Variants in TAFA2 observed in about 807,000 individuals in gnomAD.
TAFA2 encodes the protein TAFA chemokine like family member 2, also known as chemokine-like protein TAFA-2.
A neutral mutation model predicts 18.8 loss-of-function variants in TAFA2; 7 were observed. That is an observed-to-expected ratio of 0.37 (90% CI 0.21 to 0.70). TAFA2 has a LOEUF of 0.70. Ranked by LOEUF, TAFA2 falls within the 30% of genes least tolerant of loss-of-function variation. TAFA2 has a pLI of 0.53. For synonymous variants in TAFA2, 60 were observed against 54.2 expected (o/e 1.11, Z -0.47); for missense variants, 122 against 158.1 (o/e 0.77, Z 1.23).
intron 1 of TAFA2, among the ~76,000 whole-genome samples, chr12:62,225,375 A>C (rs1308995124): frequency 6.6e-6 from 1 of 152,254 alleles, no homozygotes; most frequent in African/African-American, 2.4e-5. Flanking sequence ...CAGACTGATC[A>C]GACTCAAATG....
intron 1 of TAFA2, among the ~76,000 whole-genome samples, chr12:62,100,456 C>G (rs1453676777): frequency 6.6e-6 from 1 of 152,146 alleles, no homozygotes; most frequent in Non-Finnish European, 1.5e-5. Flanking sequence ...TACCCCTGTA[C>G]AGTTTGGTCT....
At chr12:61,960,775 C>CAA (rs34080993) in intron 1 of TAFA2, among the ~76,000 whole-genome samples, 2,561 of 145,618 alleles carry the variant, frequency 0.018, 19 homozygotes, top group African/African-American at 0.028. Flanking sequence ...CCTATTTCAC[C>CAA]AAAAAAAAAA....
intron 4 of TAFA2, among the ~76,000 whole-genome samples, chr12:61,715,053 A>G (rs985118744): frequency 6.6e-6 from 1 of 152,208 alleles, no homozygotes; most frequent in South Asian, 2.1e-4. Flanking sequence ...TAATCCAGAC[A>G]AAGTGCTTGT....
chr12:62,157,410 G>A (rs1280657657), intron 1 of TAFA2, among the ~76,000 whole-genome samples: 5 of 152,158 alleles, frequency 3.3e-5, no homozygotes, highest in African/African-American at 1.2e-4. Context: ...AAGCACACAT[G>A]AACATTAAAA....
intron 1 of TAFA2, among the ~76,000 whole-genome samples, chr12:62,021,371 G>C (rs1881130032): frequency 6.6e-6 from 1 of 151,786 alleles, no homozygotes; most frequent in African/African-American, 2.4e-5. Context: ...AGATTTTGGT[G>C]TACCCATCAC....
intron 1 of TAFA2, among the ~76,000 whole-genome samples, chr12:62,218,960 A>G (rs2062748886): frequency 6.6e-6 from 1 of 152,188 alleles, no homozygotes; most frequent in African/African-American, 2.4e-5. Flanking sequence ...TTGAGATGAT[A>G]GAATTAAAAT....
intron 1 of TAFA2, chr12:62,104,853 C>T (rs559682679): frequency 3.3e-5 from 11 of 328,586 alleles, no homozygotes; most frequent in African/African-American, 1.6e-4. Flanking sequence ...TTGGCTCCTA[C>T]GTCTCACAGA....
intron 1 of TAFA2, among the ~76,000 whole-genome samples, chr12:62,247,950 T>C (rs1260705839): frequency 1.3e-5 from 2 of 152,252 alleles, no homozygotes; most frequent in Non-Finnish European, 2.9e-5. Flanking sequence ...TTGTTTCTTT[T>C]TCTTTTCTTG....
intron 1 of TAFA2, among the ~76,000 whole-genome samples, chr12:62,039,791 G>A (rs1881709964): frequency 1.3e-5 from 2 of 152,286 alleles, no homozygotes; most frequent in East Asian, 1.9e-4. Context: ...ATCAAATTCA[G>A]TACTTCTCAA....
intron 1 of TAFA2, among the ~76,000 whole-genome samples, chr12:62,096,579 T>C (rs1868960970): frequency 6.6e-6 from 1 of 152,158 alleles, no homozygotes; most frequent in African/African-American, 2.4e-5. Context: ...GAGTCTCCCC[T>C]TTTCTAAGTA....
chr12:61,741,095 A>G (rs1450037333), intron 4 of TAFA2, among the ~76,000 whole-genome samples: 2 of 152,112 alleles, frequency 1.3e-5, no homozygotes, highest in African/African-American at 4.8e-5. Flanking sequence ...CAAAATTTTT[A>G]AAGTGTTTTA....
intron 1 of TAFA2, among the ~76,000 whole-genome samples, chr12:61,956,953 T>C (rs1291129403): frequency 6.6e-6 from 1 of 152,162 alleles, no homozygotes; most frequent in African/African-American, 2.4e-5. Context: ...ACTATCTGCT[T>C]GCAGTGACTA....
At chr12:62,246,056 A>G (rs1299684897) in intron 1 of TAFA2, among the ~76,000 whole-genome samples, 2 of 149,030 alleles carry the variant, frequency 1.3e-5, no homozygotes, top group Non-Finnish European at 3.0e-5. Context: ...GCGCAATCTC[A>G]GCTCACTGCA....
intron 1 of TAFA2, among the ~76,000 whole-genome samples, chr12:61,912,852 T>A (rs1876667456): frequency 1.3e-5 from 2 of 152,210 alleles, no homozygotes; most frequent in Non-Finnish European, 2.9e-5. Context: ...GTTTCAATTC[T>A]GATCTTAGTT....
At chr12:61,714,508 A>T (rs1325820392) in intron 4 of TAFA2, among the ~76,000 whole-genome samples, 3 of 152,232 alleles carry the variant, frequency 2.0e-5, no homozygotes, top group Admixed American at 6.5e-5. Flanking sequence ...TCACAGGCCA[A>T]CAAAACAATT....
chr12:62,230,393 ATTGGGTATG>A, intron 1 of TAFA2, among the ~76,000 whole-genome samples: 1 of 152,072 alleles, frequency 6.6e-6, no homozygotes, highest in South Asian at 2.1e-4. Context: ...ATCCCATAGA[ATTGGGTATG>A]TTGTGTTTTC....
chr12:62,231,435 T>C (rs2062811594), intron 1 of TAFA2, among the ~76,000 whole-genome samples: 1 of 152,238 alleles, frequency 6.6e-6, no homozygotes, highest in Non-Finnish European at 1.5e-5. Flanking sequence ...GTGTGAAATA[T>C]CTTTTTCCAT....
chr12:62,147,318 GTATGTATGTA>G (rs1205212292), intron 1 of TAFA2, among the ~76,000 whole-genome samples: 1,737 of 87,428 alleles, frequency 0.02, 49 homozygotes, highest in East Asian at 0.042. Context: ...GTGTGTGTGT[GTATGTATGTA>G]TATATATATA....
intron 2 of TAFA2, among the ~76,000 whole-genome samples, chr12:61,755,431 G>A (rs1869220052): frequency 6.6e-6 from 1 of 152,106 alleles, no homozygotes. Context: ...CAAAGTGGGT[G>A]GTTGCTGATA....
Sources: allele counts gnomAD v4.1 joint callset (sites outside exome capture counted in the v4.1 genomes callset), GRCh38; gene constraint gnomAD v4.1.1; transcripts MANE v1.5; gene names NCBI Gene and HGNC (gene_info 2026-07-23, HGNC 2026-07-21).